Variants in AQR observed in about 807,000 individuals in gnomAD.
AQR encodes the protein aquarius intron-binding spliceosomal factor, also known as RNA helicase aquarius.
AQR carries 61 observed loss-of-function variants against 180.5 expected under a neutral mutation model. The ratio of observed to expected loss-of-function variants is 0.34; its 90% CI spans 0.28 to 0.42. The LOEUF (loss-of-function observed/expected upper bound fraction) is 0.42. AQR is among the 10% of genes least tolerant of loss of function. AQR has a pLI of 1.00. For missense variants in AQR, 1,281 were observed against 1,798.3 expected, an observed-to-expected ratio of 0.71 and a Z score of 5.20; for synonymous variants, 551 against 588.8, an observed-to-expected ratio of 0.94 and a Z score of 0.93.
At chr15:34,962,490 C>T (rs998780644) in intron 2 of AQR, among the ~76,000 whole-genome samples, 10 of 151,966 alleles carry the variant, frequency 6.6e-5, no homozygotes, top group Admixed American at 2.0e-4. Context: ...ACTGGTTGGC[C>T]GGGTGTGGTG....
intron 17 of AQR, among the ~76,000 whole-genome samples, chr15:34,906,955 GAATAT>G (rs938328225): frequency 1.2e-3 from 188 of 152,230 alleles, no homozygotes; most frequent in African/African-American, 3.9e-3. Context: ...TTCATGCCAT[GAATAT>G]ATTACTGAAT....
At chr15:34,907,101 A>G (rs1436160533) in intron 17 of AQR, among the ~76,000 whole-genome samples, 1 of 152,210 alleles carries the variant, frequency 6.6e-6, no homozygotes, top group Non-Finnish European at 1.5e-5. Context: ...CAGGTTTTTA[A>G]TATCAGTTTA....
At position 34,864,654 on chromosome 15, in the gene AQR, G is replaced by A. The variant is rs948971110; in HGVS notation, c.3855-1613C>T. ...TAGTGGTGGAAGCAGGTGATAAACT[G>A]TTGTTTTCATGGTGATCTCTTACAT... On this transcript the variant is annotated intron_variant, in intron 32 of 34. Coordinates refer to ENST00000156471, the MANE Select transcript of AQR (RefSeq NM_014691.3). Among the ~76,000 whole-genome samples the A allele has an allele frequency of 2.0e-5, 3 of 152,142 alleles. No individual in the cohort carries two copies. In the South Asian group the frequency reaches 6.2e-4, roughly 32 times the overall value.
chr15:34,878,336 A>G (rs956992124), intron 27 of AQR, among the ~76,000 whole-genome samples: 5 of 145,180 alleles, frequency 3.4e-5, no homozygotes, highest in African/African-American at 1.3e-4. Flanking sequence ...CAGTGAGCCG[A>G]GATCACGCCA....
intron 27 of AQR, among the ~76,000 whole-genome samples, chr15:34,879,688 C>A (rs566035166): frequency 6.6e-6 from 1 of 152,094 alleles, no homozygotes; most frequent in Non-Finnish European, 1.5e-5. Context: ...TGCTTGGTAA[C>A]AATAGGAATG....
intron 23 of AQR, among the ~76,000 whole-genome samples, chr15:34,890,911 C>T (rs1387345109): frequency 1.3e-5 from 2 of 152,044 alleles, no homozygotes. Context: ...AGGGTTCCCT[C>T]GAATCCTAGT....
chr15:34,883,563 T>C (rs181077763), intron 26 of AQR, among the ~76,000 whole-genome samples: 153 of 152,246 alleles, frequency 1.0e-3, no homozygotes, highest in Non-Finnish European at 1.8e-3. Context: ...ATTTCAATAT[T>C]TACTGAACAT....
intron 17 of AQR, among the ~76,000 whole-genome samples, chr15:34,909,378 T>C (rs970063974): frequency 2.6e-5 from 4 of 152,226 alleles, no homozygotes; most frequent in Non-Finnish European, 5.9e-5. Flanking sequence ...TTAACTCTAT[T>C]GGACTTAGTA....
intron 3 of AQR, among the ~76,000 whole-genome samples, chr15:34,959,426 C>T (rs1894382511): frequency 1.3e-5 from 2 of 152,174 alleles, no homozygotes; most frequent in South Asian, 2.1e-4. Flanking sequence ...CCTCGGCCTC[C>T]CAAGGTGCTG....
At chr15:34,965,036 A>C (rs1353004976) in intron 1 of AQR, among the ~76,000 whole-genome samples, 1 of 152,230 alleles carries the variant, frequency 6.6e-6, no homozygotes, top group Non-Finnish European at 1.5e-5. Flanking sequence ...AGAGGCACTA[A>C]TAAAGTCTGA....
chr15:34,952,406 C>G lies in AQR; in HGVS notation c.209+479G>C, dbSNP rs544035373. ...AAATGTAACTATCATCAACAACAAT[C>G]CTGGCTCTTATTTTCAGCATACTGG... On this transcript the variant is annotated intron_variant, in intron 4 of 34. Coordinates refer to ENST00000156471, the MANE Select transcript of AQR (RefSeq NM_014691.3). Among the ~76,000 whole-genome samples the G allele has an allele frequency of 2.6e-4, 40 of 152,338 alleles. No individual in the cohort carries two copies. The South Asian group carries it at 8.1e-3, about 31-fold the overall frequency.
intron 6 of AQR, 40 bp downstream of exon 6, chr15:34,944,248 G>C (rs552711679): frequency 6.5e-7 from 1 of 1,538,290 alleles, no homozygotes; most frequent in Admixed American, 2.2e-5. Flanking sequence ...AAAAGAACAA[G>C]AAAACTTGAA....
chr15:34,963,584 A>G lies in AQR; in HGVS notation c.132+650T>C, dbSNP rs2050292878. Among the ~76,000 whole-genome samples the G allele has an allele frequency of 3.3e-5, 5 of 152,324 alleles. No individual in the cohort carries two copies. The South Asian group carries it at 1.0e-3, about 32-fold the overall frequency. On this transcript the variant is annotated intron_variant, in intron 2 of 34. Coordinates refer to ENST00000156471, the MANE Select transcript of AQR (RefSeq NM_014691.3). Reference sequence around the variant, plus strand: ...TTACAAAGATATTTATTACATGATCATTTATAATAATGATAAATTAAAAAT... The same window carrying G: ...TTACAAAGATATTTATTACATGATCGTTTATAATAATGATAAATTAAAAAT...
Position 34,873,881 on chromosome 15 carries a change from C to T in AQR, c.3544G>A (p.Val1182Ile). 2 of 1,609,102 alleles carry T rather than the reference C, an allele frequency of 1.2e-6. No individual in the cohort carries two copies. The highest frequency in any genetic ancestry group is 1.7e-6 in the Non-Finnish European group (2 of 1,177,156). ...GLLYDFQLIN[V>I]EDFQGVGESE... The stretch of plus-strand genomic sequence containing the variant: ...TCTCCCACTCCTTGAAAATCTTCAA[C>T]ATTAATGAGCTGGAAGTCATACAGT... The change falls in exon 30 of 35, where the codon GTT becomes ATT. Residue 1182 changes from valine to isoleucine, a missense_variant. This residue lies in a region of AQR where 197 missense variants were observed against 320.7 expected (regional missense o/e 0.61). Transcript: ENST00000156471.
intron 6 of AQR, among the ~76,000 whole-genome samples, chr15:34,943,569 T>C (rs966387889): frequency 4.6e-5 from 7 of 152,120 alleles, no homozygotes; most frequent in Non-Finnish European, 7.4e-5. Context: ...TGTGAGATAG[T>C]ACATGGAAAC....
At chr15:34,955,946 T>C (rs1595810634) in intron 3 of AQR, among the ~76,000 whole-genome samples, 1 of 148,704 alleles carries the variant, frequency 6.7e-6, no homozygotes. Context: ...CACAAAAGAG[T>C]ACATAGTGTG....
chr15:34,901,566 A>T (rs1595791570), intron 19 of AQR, among the ~76,000 whole-genome samples: 1 of 152,254 alleles, frequency 6.6e-6, no homozygotes, highest in African/African-American at 2.4e-5. Context: ...GCTATCTCAC[A>T]TATAGAAATT....
At chr15:34,956,885 G>A (rs989634192) in intron 3 of AQR, among the ~76,000 whole-genome samples, 1 of 152,154 alleles carries the variant, frequency 6.6e-6, no homozygotes, top group Non-Finnish European at 1.5e-5. Flanking sequence ...AGAGCAGAAT[G>A]CAAGGTGCTT....
chr15:34,961,257 A>T lies in AQR; in HGVS notation c.133-443T>A, dbSNP rs111317005. On this transcript the variant is annotated intron_variant, in intron 2 of 34. Transcript: ENST00000156471. ...ACATCTCTTTATCCAAATGAATATG[A>T]TAGAGCTTCAGAATTTCCATTCATT... 3.1e-4 allele frequency among the ~76,000 whole-genome samples: 47 copies of T among 152,324 alleles called. 7 individuals carry two copies. The highest frequency in any genetic ancestry group is 4.1e-4 in the South Asian group (2 of 4,834).
Sources: gnomAD v4.1 joint callset for allele counts (sites outside exome capture counted in the v4.1 genomes callset) on GRCh38, gnomAD v4.1.1 for gene constraint, gnomAD v4.1.1 regional missense constraint, MANE v1.5 for transcripts, NCBI Gene and HGNC (gene_info 2026-07-23, HGNC 2026-07-21) for gene names.